Variants in NUAK2 observed in about 807,000 individuals in gnomAD.
NUAK2 encodes the protein NUAK family kinase 2.
A neutral mutation model predicts 29.8 loss-of-function variants in NUAK2; 20 were observed. That is an observed-to-expected ratio of 0.67 (90% CI 0.47 to 0.98). The LOEUF (loss-of-function observed/expected upper bound fraction) is 0.98, where lower values mean the gene tolerates loss of function less well. Among genes scored for constraint, NUAK2 ranks in the 50% least tolerant of loss-of-function variants. The pLI, the probability that NUAK2 is intolerant of heterozygous loss-of-function variation, is 0.00. For synonymous variants in NUAK2, 331 were observed against 342.6 expected (o/e 0.97, Z 0.37); for missense variants, 719 against 834.5 (o/e 0.86, Z 1.71).
At chr1:205,320,708 C>T (rs2102262794) in intron 1 of NUAK2, among the ~76,000 whole-genome samples, 1 of 152,268 alleles carries the variant, frequency 6.6e-6, no homozygotes, top group Non-Finnish European at 1.5e-5. Flanking sequence ...GGAAATTGCC[C>T]AAGGTCACAC....
chr1:205,306,069 A>G, intron 5 of NUAK2, 119 bp downstream of exon 5: 1 of 1,370,124 alleles, frequency 7.3e-7, no homozygotes. Flanking sequence ...ACTTTTTGGG[A>G]GGCTTGAGAG....
At chr1:205,315,881 AAT>A (rs1662321627) in intron 1 of NUAK2, among the ~76,000 whole-genome samples, 1 of 152,128 alleles carries the variant, frequency 6.6e-6, no homozygotes, top group Non-Finnish European at 1.5e-5. Context: ...TTAAAAAAAA[AAT>A]AAAAAATAAA....
In NUAK2 at chr1:205,306,284, G is replaced by A. The variant is rs749879707; in HGVS notation, c.594C>T (p.Asn198=). Residue 198 remains asparagine, a synonymous_variant, in exon 5 of 7, where the codon AAC becomes AAT. Transcript: ENST00000367157. ...NIKIADFGLS[N]LYHQGKFLQT... Reference sequence around the variant, plus strand: ...GCAGGAACTTGCCTTGATGGTAGAGGTTGGAGAGACCGAAGTCAGCAATCT... The same window carrying A: ...GCAGGAACTTGCCTTGATGGTAGAGATTGGAGAGACCGAAGTCAGCAATCT... 8 of 1,613,734 alleles carry A rather than the reference G, an allele frequency of 5.0e-6. No individual in the cohort carries two copies. The East Asian group carries it at 1.8e-4, about 36-fold the overall frequency.
chr1:205,308,348 G>A lies in NUAK2; in HGVS notation c.505-118C>T, dbSNP rs903810460. 1.2e-6 allele frequency: 1 copy of A among 827,746 alleles called. No homozygotes were observed. The highest frequency in any genetic ancestry group is 1.9e-6 in the Non-Finnish European group (1 of 517,062). The allele number at this position is 827,746 out of a possible 1,614,324, so 51.3% of individuals were successfully genotyped here. On this transcript the variant is annotated intron_variant, in intron 3 of 6. Transcript: ENST00000367157. The surrounding 1 kb of genome is among the most constrained non-coding windows in gnomAD (Gnocchi z 4.1). ...GCCAAGTGGGCTTGAGCACAGGTAGGCTGGGAATGCCTATCTTTATCGGTA... is the reference window on the plus strand; with the variant it reads ...GCCAAGTGGGCTTGAGCACAGGTAGACTGGGAATGCCTATCTTTATCGGTA...
chr1:205,321,311 C>T, intron 1 of NUAK2, 87 bp downstream of exon 1: 3 of 1,222,796 alleles, frequency 2.5e-6, no homozygotes, highest in Non-Finnish European at 3.3e-6. Flanking sequence ...CGCCGAGCAA[C>T]GAGCGAGCCG....
intron 1 of NUAK2, among the ~76,000 whole-genome samples, chr1:205,318,858 T>C (rs1662365132): frequency 6.6e-6 from 1 of 152,216 alleles, no homozygotes; most frequent in Non-Finnish European, 1.5e-5. Context: ...TGCCCTTCCC[T>C]CAGCCAATCC....
At chr1:205,315,498 C>CCTTATA (rs1662314220) in intron 1 of NUAK2, among the ~76,000 whole-genome samples, 4 of 152,196 alleles carry the variant, frequency 2.6e-5, no homozygotes, top group Non-Finnish European at 5.9e-5. Context: ...GGGTGAAGTC[C>CCTTATA]ACCTCGGTTA....
rs376414838 is a variant in NUAK2 at position 205,308,294 on chromosome 1, G to A, written c.505-64C>T. 5.4e-5 allele frequency: 68 copies of A among 1,248,538 alleles called. No individual in the cohort carries two copies. Among genetic ancestry groups the A allele is most frequent in the Admixed American group, 2.1e-5 (1 of 46,578 alleles). The allele number at this position is 1,248,538 out of a possible 1,614,324, so 77.3% of individuals were successfully genotyped here. A position where few individuals can be genotyped will look rare whatever the true frequency, so the allele number is the denominator to read the frequency against. On this transcript the variant is annotated intron_variant, in intron 3 of 6. Coordinates refer to ENST00000367157, the MANE Select transcript of NUAK2 (RefSeq NM_030952.3). The surrounding 1 kb of genome is among the most constrained non-coding windows in gnomAD (Gnocchi z 4.1). ...GGAAGGGAAGATGATGAGGGGCCCAGTCTGGAGACTGAGGTAAACACAAAG... is the reference window on the plus strand; with the variant it reads ...GGAAGGGAAGATGATGAGGGGCCCAATCTGGAGACTGAGGTAAACACAAAG...
At position 205,306,376 on chromosome 1, in the gene NUAK2, G is replaced by A. The variant is rs138150875; in HGVS notation, c.571-69C>T. The A allele has an allele frequency of 5.8e-4, 896 of 1,543,330 alleles. 17 individuals carry two copies. The East Asian group carries it at 0.013, about 23-fold the overall frequency. On this transcript the variant is annotated intron_variant, in intron 4 of 6. Coordinates refer to ENST00000367157, the MANE Select transcript of NUAK2 (RefSeq NM_030952.3). ...TGGGTTTTTCTGCAGCTCTTGGCCC[G>A]CCCTTCTCCAGACCCTGGGGAAACC...
rs371428060 is a variant in NUAK2 at position 205,306,313 on chromosome 1, G to A, written c.571-6C>T. On this transcript the variant is annotated splice_region_variant and splice_polypyrimidine_tract_variant and intron_variant, in intron 4 of 6. Coordinates refer to ENST00000367157, the MANE Select transcript of NUAK2 (RefSeq NM_030952.3). ...GAGAGACCGAAGTCAGCAATCTGCA[G>A]GATTGAGTCAAACACGGGCACAGGT... 57 of 1,609,280 alleles carry A rather than the reference G, an allele frequency of 3.5e-5. No individual in the cohort carries two copies. The African/African-American group carries it at 5.1e-4, about 14-fold the overall frequency.
intron 2 of NUAK2, among the ~76,000 whole-genome samples, chr1:205,310,455 G>T (rs1001438335): frequency 6.6e-6 from 1 of 152,178 alleles, no homozygotes; most frequent in Non-Finnish European, 1.5e-5. Context: ...AGCCCCTCCA[G>T]ACACACAGTA....
intron 1 of NUAK2, among the ~76,000 whole-genome samples, chr1:205,314,713 A>T (rs1303979172): frequency 6.6e-6 from 1 of 152,224 alleles, no homozygotes; most frequent in African/African-American, 2.4e-5. Context: ...AAAGAGCAAA[A>T]CGATCAATCA....
In NUAK2 at chr1:205,320,454, C is replaced by T. The variant is rs548702973; in HGVS notation, c.231+944G>A. ...TAATTTTTTGTATTTTTAGTAGAGA[C>T]GGGGTTTCACTGTGTTAGCCAGGAT... On this transcript the variant is annotated intron_variant, in intron 1 of 6. Coordinates refer to ENST00000367157, the MANE Select transcript of NUAK2 (RefSeq NM_030952.3). Among the ~76,000 whole-genome samples, 61 of 152,072 alleles carry T rather than the reference C, an allele frequency of 4.0e-4. 1 individual carries two copies. The South Asian group carries it at 0.012, about 31-fold the overall frequency.
At chr1:205,321,343 C>T in intron 1 of NUAK2, 55 bp downstream of exon 1, 2 of 1,492,360 alleles carry the variant, frequency 1.3e-6, no homozygotes, top group Non-Finnish European at 1.8e-6. Flanking sequence ...CCTCCGCTCC[C>T]TGCCGGCGGC....
At chr1:205,314,704 A>C (rs2102257519) in intron 1 of NUAK2, among the ~76,000 whole-genome samples, 1 of 152,370 alleles carries the variant, frequency 6.6e-6, no homozygotes, top group Middle Eastern at 3.4e-3. Context: ...AAGGTCCATA[A>C]AGAGCAAAAC....
At chr1:205,310,851 T>C (rs1452480657) in intron 2 of NUAK2, among the ~76,000 whole-genome samples, 1 of 119,206 alleles carries the variant, frequency 8.4e-6, no homozygotes, top group African/African-American at 2.8e-5. Context: ...GGCTATGTCT[T>C]AAGGCTCTAC....
At chr1:205,314,002 C>T (rs1490837624) in intron 1 of NUAK2, among the ~76,000 whole-genome samples, 1 of 152,226 alleles carries the variant, frequency 6.6e-6, no homozygotes, top group Non-Finnish European at 1.5e-5. Context: ...AAAGGAAACC[C>T]CTGCTCGAGG....
At position 205,304,277 on chromosome 1, in the gene NUAK2, A is replaced by G. The variant is rs557570213; in HGVS notation, c.1060T>C (p.Phe354Leu). Residue 354 changes from phenylalanine to leucine, a missense_variant, in exon 7 of 7, where the codon TTC (phenylalanine) becomes CTC (leucine). Physicochemically the swap from Phe to Leu is conservative, Grantham distance 22. Transcript: ENST00000367157. This position sits in a 1 kb window ranked among gnomAD's most constrained non-coding sequence, Gnocchi z 6.5. ...LENGAKVCSFFKQHAPGGGST... is the reference protein window; with the variant it reads ...LENGAKVCSFLKQHAPGGGST... ...CCCCCACCAGGTGCATGCTGCTTGA[A>G]GAAGCTGCACACCTTGGCCCCATTC... is the stretch of plus-strand genomic sequence containing the variant. The G allele has an allele frequency of 2.8e-5, 45 of 1,613,716 alleles. No homozygotes were observed. Among genetic ancestry groups the G allele is most frequent in the Non-Finnish European group, 3.6e-5 (42 of 1,179,872 alleles).
chr1:205,320,940 G>A (rs559768350), intron 1 of NUAK2, among the ~76,000 whole-genome samples: 2 of 152,230 alleles, frequency 1.3e-5, no homozygotes, highest in Admixed American at 1.3e-4. Context: ...CCAGATTCTT[G>A]GAGTTGGGGA....
Sources: gnomAD v4.1 joint callset for allele counts (sites outside exome capture counted in the v4.1 genomes callset) on GRCh38, gnomAD v4.1.1 for gene constraint, Gnocchi (gnomAD v3.1) non-coding constraint, MANE v1.5 for transcripts, NCBI Gene and HGNC (gene_info 2026-07-23, HGNC 2026-07-21) for gene names.